CLPB: variants seen among roughly 807,000 people sequenced by gnomAD.
The protein encoded by CLPB is mitochondrial disaggregase.
In CLPB, 40 loss-of-function variants were observed where a neutral mutation model predicts 78.4. That is an observed-to-expected ratio of 0.51 (90% CI 0.40 to 0.66). The LOEUF (loss-of-function observed/expected upper bound fraction) is 0.66, where lower values mean the gene tolerates loss of function less well. CLPB is among the 30% of genes least tolerant of loss of function. CLPB has a pLI of 0.00. For missense variants in CLPB, 780 were observed against 886.9 expected (o/e 0.88, Z 1.53); for synonymous variants, 333 against 348.0 (o/e 0.96, Z 0.48).
In CLPB at chr11:72,366,032, T is replaced by C. The variant is rs188446146; in HGVS notation, c.647-7024A>G. Among the ~76,000 whole-genome samples, 111 of 152,242 alleles carry C rather than the reference T, an allele frequency of 7.3e-4. 1 individual carries two copies. Among genetic ancestry groups the C allele is most frequent in the Middle Eastern group, 6.8e-3 (2 of 294 alleles). On this transcript the variant is annotated intron_variant, in intron 4 of 15. Transcript: ENST00000538039. ...TTATTACTAGGTCCTCAAAAGCAAC[T>C]ATGACAAAAACAAAAATTGACAAAT... is the stretch of plus-strand genomic sequence containing the variant.
intron 11 of CLPB, among the ~76,000 whole-genome samples, chr11:72,299,907 C>T (rs924807173): frequency 6.6e-6 from 1 of 152,132 alleles, no homozygotes; most frequent in Non-Finnish European, 1.5e-5. Context: ...GACAGGGCTT[C>T]CATGTATGGC....
intron 2 of CLPB, among the ~76,000 whole-genome samples, chr11:72,419,076 T>C (rs1216549911): frequency 2.0e-5 from 3 of 152,042 alleles, no homozygotes; most frequent in Non-Finnish European, 4.4e-5. Context: ...GAACAGGAAG[T>C]ACAAGGCAAG....
intron 2 of CLPB, among the ~76,000 whole-genome samples, chr11:72,415,657 A>AACAAGCT (rs1471608529): frequency 6.6e-6 from 1 of 152,324 alleles, no homozygotes; most frequent in East Asian, 1.9e-4. Flanking sequence ...TTTAGGTTAA[A>AACAAGCT]ACAAGCTCTG....
chr11:72,319,728 C>A (rs1438619405), intron 6 of CLPB, among the ~76,000 whole-genome samples: 1 of 152,198 alleles, frequency 6.6e-6, no homozygotes, highest in Non-Finnish European at 1.5e-5. Context: ...TATATAAGTT[C>A]TTAGCAGAGT....
At chr11:72,371,181 A>T (rs906054460) in intron 4 of CLPB, among the ~76,000 whole-genome samples, 1 of 151,986 alleles carries the variant, frequency 6.6e-6, no homozygotes, top group East Asian at 1.9e-4. Flanking sequence ...CTCCTGTCTC[A>T]GCCTCCTGAG....
chr11:72,408,313 T>G, intron 2 of CLPB: 2 of 803,566 alleles, frequency 2.5e-6, no homozygotes, highest in Non-Finnish European at 4.0e-6. Flanking sequence ...ATCCCTCTTG[T>G]GCAAGGTGGT....
chr11:72,292,042 C>CCA lies in CLPB; in HGVS notation c.*1324_*1325insTG, dbSNP rs1949460453. 1 of 44,264 alleles carries CCA rather than the reference C, an allele frequency of 2.3e-5. No homozygotes were observed. Among genetic ancestry groups the CCA allele is most frequent in the Admixed American group, 2.5e-4 (1 of 4,018 alleles). The allele number at this position is 44,264 out of a possible 1,614,324, so 2.7% of individuals were successfully genotyped here. A position where few individuals can be genotyped will look rare whatever the true frequency, so the allele number is the denominator to read the frequency against. On this transcript the variant is annotated 3_prime_UTR_variant, in exon 16 of 16. Coordinates refer to ENST00000538039, the MANE Select transcript of CLPB (RefSeq NM_001258392.3). ...TGGGGGACAGAGTGAGACTCTGTCT[C>CCA]AAAAAAAAAAAAAAAAAAAAAAAGG...
intron 2 of CLPB, among the ~76,000 whole-genome samples, chr11:72,420,745 G>A (rs940535187): frequency 1.3e-5 from 2 of 152,336 alleles, no homozygotes; most frequent in African/African-American, 4.8e-5. Flanking sequence ...AGGCAGATAA[G>A]AGAGGGAGAG....
chr11:72,329,500 T>A (rs1950184586), intron 6 of CLPB, among the ~76,000 whole-genome samples: 1 of 152,196 alleles, frequency 6.6e-6, no homozygotes, highest in South Asian at 2.1e-4. Context: ...AGGGGCAGCT[T>A]CCTATTCTTG....
At chr11:72,297,661 G>C (rs1949577454) in intron 11 of CLPB, among the ~76,000 whole-genome samples, 1 of 113,888 alleles carries the variant, frequency 8.8e-6, no homozygotes, top group South Asian at 2.7e-4. Flanking sequence ...GTGTGTGTGT[G>C]TGTGTGTGTG....
chr11:72,359,631 TACA>T (rs1950795380), intron 4 of CLPB, among the ~76,000 whole-genome samples: 1 of 152,192 alleles, frequency 6.6e-6, no homozygotes, highest in South Asian at 2.1e-4. Context: ...CACAGAAAAG[TACA>T]ACAAAGAAAA....
rs1331589473 is a variant in CLPB, at chr11:72,330,055, CAAAT to C, written c.776-255_776-252del. Among the ~76,000 whole-genome samples the C allele has an allele frequency of 4.6e-5, 7 of 152,286 alleles. No individual in the cohort carries two copies. The East Asian group carries it at 1.2e-3, about 25-fold the overall frequency. On this transcript the variant is annotated intron_variant, in intron 5 of 15. Coordinates refer to ENST00000538039, the MANE Select transcript of CLPB (RefSeq NM_001258392.3). The stretch of plus-strand genomic sequence containing the variant: ...GAACATGCTAAGAAAGTATGCCAAA[CAAAT>C]ACACAGGTTAATATACCGCAGCACA...
At chr11:72,356,349 T>C (rs963887248) in intron 5 of CLPB, among the ~76,000 whole-genome samples, 4 of 150,882 alleles carry the variant, frequency 2.7e-5, no homozygotes, top group Admixed American at 1.3e-4. Context: ...CTGAAACCCT[T>C]TGGAGAGGGT....
At chr11:72,316,148 G>A (rs1042807896) in intron 7 of CLPB, among the ~76,000 whole-genome samples, 11 of 152,178 alleles carry the variant, frequency 7.2e-5, no homozygotes, top group Non-Finnish European at 8.8e-5. Flanking sequence ...CACACGACCA[G>A]GTAGGGCCTT....
At chr11:72,311,439 CA>C (rs1949845000) in intron 7 of CLPB, among the ~76,000 whole-genome samples, 2 of 152,158 alleles carry the variant, frequency 1.3e-5, no homozygotes, top group South Asian at 4.1e-4. Context: ...GTAAGCAGAA[CA>C]GGGGACTTGA....
chr11:72,362,400 G>A (rs2135625764), intron 4 of CLPB, among the ~76,000 whole-genome samples: 1 of 152,302 alleles, frequency 6.6e-6, no homozygotes, highest in Admixed American at 6.5e-5. Flanking sequence ...GCCCAGCAGT[G>A]TATGGCCATA....
At chr11:72,311,701 A>C (rs902692129) in intron 7 of CLPB, among the ~76,000 whole-genome samples, 8 of 152,214 alleles carry the variant, frequency 5.3e-5, no homozygotes, top group African/African-American at 1.9e-4. Flanking sequence ...TCAGCCATTC[A>C]GCACATGGCC....
intron 4 of CLPB, among the ~76,000 whole-genome samples, chr11:72,365,060 C>A (rs907911484): frequency 1.3e-4 from 20 of 152,200 alleles, no homozygotes; most frequent in Non-Finnish European, 2.9e-5. Flanking sequence ...TGGCTCCTAC[C>A]TGTAATCCCA....
At chr11:72,430,093 G>A (rs1279143562) in intron 2 of CLPB, among the ~76,000 whole-genome samples, 1 of 152,228 alleles carries the variant, frequency 6.6e-6, no homozygotes, top group African/African-American at 2.4e-5. Flanking sequence ...AATAGCTGAA[G>A]GATCCAGGGA....
Sources: allele counts gnomAD v4.1 joint callset (sites outside exome capture counted in the v4.1 genomes callset), GRCh38; gene constraint gnomAD v4.1.1; transcripts MANE v1.5; gene names NCBI Gene and HGNC (gene_info 2026-07-23, HGNC 2026-07-21).